The following RFX8 variants were observed in gnomAD, a reference collection of about 807,000 sequenced individuals.
RFX8 encodes the protein DNA-binding protein RFX8.
Under a neutral mutation model 54.6 loss-of-function variants are expected in RFX8, and 46 were observed. The observed-to-expected ratio is 0.84, with a 90% CI of 0.67 to 1.08. The LOEUF is 1.08. RFX8 is among the 50% of genes least tolerant of loss of function. RFX8 has a pLI of 0.00. For missense variants in RFX8, 536 were observed against 562.3 expected (o/e 0.95, Z 0.47); for synonymous variants, 192 against 209.5 (o/e 0.92, Z 0.72).
intron 2 of RFX8, among the ~76,000 whole-genome samples, chr2:101,430,363 T>C (rs13018312): frequency 0.42 from 63,936 of 152,044 alleles, 15,415 homozygotes; most frequent in Non-Finnish European, 0.52. Flanking sequence ...TAGCCCTCTA[T>C]GTGACAGTAT....
At chr2:101,440,584 G>C (rs1423596587) in intron 2 of RFX8, among the ~76,000 whole-genome samples, 1 of 152,164 alleles carries the variant, frequency 6.6e-6, no homozygotes, top group African/African-American at 2.4e-5. Flanking sequence ...TGGGGGAGGG[G>C]AGAGCACACA....
At chr2:101,426,396 G>C (rs553407165) in intron 2 of RFX8, among the ~76,000 whole-genome samples, 1 of 152,216 alleles carries the variant, frequency 6.6e-6, no homozygotes, top group African/African-American at 2.4e-5. Flanking sequence ...ACATACGCCT[G>C]TAGTCCTAAA....
chr2:101,429,042 G>C, intron 2 of RFX8: 3 of 1,484,650 alleles, frequency 2.0e-6, no homozygotes, highest in Non-Finnish European at 2.7e-6. Context: ...AGAAAACAGA[G>C]AAGTAATTTT....
At chr2:101,407,695 T>TA (rs979718832) in intron 9 of RFX8, among the ~76,000 whole-genome samples, 2,107 of 145,354 alleles carry the variant, frequency 0.014, 42 homozygotes, top group African/African-American at 0.046. Flanking sequence ...CCATCTCAAT[T>TA]AAAAAAAAAA....
chr2:101,472,717 T>G (rs1690078500), intron 1 of RFX8, among the ~76,000 whole-genome samples: 1 of 152,114 alleles, frequency 6.6e-6, no homozygotes. Flanking sequence ...TCTCATAATG[T>G]TTTAACAAAG....
At chr2:101,414,794 G>A in intron 7 of RFX8, 60 bp downstream of exon 7, 1 of 1,293,298 alleles carries the variant, frequency 7.7e-7, no homozygotes. Context: ...GGGACTTAGA[G>A]CTTTCACCTC....
intron 4 of RFX8, among the ~76,000 whole-genome samples, chr2:101,419,666 G>T (rs1289280986): frequency 6.6e-6 from 1 of 152,154 alleles, no homozygotes; most frequent in Non-Finnish European, 1.5e-5. Context: ...ATCTCCCCTG[G>T]TCCTGGTGCT....
intron 2 of RFX8, among the ~76,000 whole-genome samples, chr2:101,449,994 A>G (rs1024352822): frequency 1.3e-5 from 2 of 152,128 alleles, no homozygotes; most frequent in African/African-American, 4.8e-5. Context: ...AGACTCAGCG[A>G]AAAATGGCTT....
At chr2:101,468,170 C>T (rs931762242) in intron 1 of RFX8, among the ~76,000 whole-genome samples, 11 of 152,206 alleles carry the variant, frequency 7.2e-5, no homozygotes, top group African/African-American at 2.7e-4. Flanking sequence ...CCCTGCAATG[C>T]TTCCTTGGGG....
intron 2 of RFX8, among the ~76,000 whole-genome samples, chr2:101,462,903 G>A (rs886399831): frequency 5.3e-5 from 8 of 152,108 alleles, no homozygotes; most frequent in Admixed American, 1.3e-4. Flanking sequence ...GAAAATAACC[G>A]AAGAAGAGTT....
chr2:101,444,950 G>T (rs1350309254), intron 2 of RFX8, among the ~76,000 whole-genome samples: 2 of 152,218 alleles, frequency 1.3e-5, no homozygotes, highest in Admixed American at 6.5e-5. Context: ...CAGAGAGATT[G>T]AGTGACCTGC....
intron 9 of RFX8, among the ~76,000 whole-genome samples, chr2:101,407,964 T>A (rs993580511): frequency 6.6e-6 from 1 of 152,246 alleles, no homozygotes; most frequent in Non-Finnish European, 1.5e-5. Context: ...CTTAATAGTC[T>A]GAGCACTTGA....
chr2:101,474,280 C>T (rs1690182713), intron 1 of RFX8: 2 of 577,394 alleles, frequency 3.5e-6, no homozygotes, highest in East Asian at 3.5e-5. Context: ...GGCCATGGCT[C>T]GGCCCCGGGC....
rs1467918826 is a variant in RFX8 at position 101,461,241 on chromosome 2, C to T, written c.72+5536G>A. 8.7e-5 allele frequency among the ~76,000 whole-genome samples: 10 copies of T among 114,484 alleles called. No individual in the cohort carries two copies. The Admixed American group carries it at 9.4e-4, about 11-fold the overall frequency. The allele number at this position is 114,484 out of a possible 152,430, so 75.1% of individuals were successfully genotyped here. On this transcript the variant is annotated intron_variant, in intron 2 of 11. Coordinates refer to ENST00000428343, the MANE Select transcript of RFX8 (RefSeq NM_001145664.2). Reference sequence around the variant, plus strand: ...TCACGCCACTGCACCCCAGCCCGGGCGACAGAGTGAGACTCCATCTCAAAA... The same window carrying T: ...TCACGCCACTGCACCCCAGCCCGGGTGACAGAGTGAGACTCCATCTCAAAA...
chr2:101,406,006 T>G lies in RFX8; in HGVS notation c.865A>C (p.Arg289=), dbSNP rs1685709674. The stretch of plus-strand genomic sequence containing the variant: ...ACAGCAGTGAGAAGAAGATTCCATC[T>G]CAGCTGGAAGCTGGCGGCCAATTTG... The part of the protein sequence containing the change: ...FTKLAASFQL[R]WNLLLTAVSK... The change falls in exon 10 of 12, where the codon AGA becomes CGA. Residue 289 remains arginine (R), a synonymous_variant. Coordinates refer to ENST00000428343, the MANE Select transcript of RFX8 (RefSeq NM_001145664.2). 6.5e-7 allele frequency: 1 copy of G among 1,549,510 alleles called. No homozygotes were observed. Among genetic ancestry groups the G allele is most frequent in the Non-Finnish European group, 8.7e-7 (1 of 1,146,090 alleles).
intron 10 of RFX8, 149 bp downstream of exon 10, chr2:101,405,794 T>A (rs1685693443): frequency 4.3e-6 from 2 of 463,026 alleles, no homozygotes; most frequent in Non-Finnish European, 7.6e-6. Flanking sequence ...TACTATCGTG[T>A]TGTATGGTTT....
chr2:101,404,713 C>T (rs1685632608), intron 10 of RFX8, among the ~76,000 whole-genome samples: 1 of 152,118 alleles, frequency 6.6e-6, no homozygotes, highest in Admixed American at 6.5e-5. Flanking sequence ...AGGTGTGAGC[C>T]ACCACACCCG....
chr2:101,419,422 G>A (rs930678810), intron 4 of RFX8, among the ~76,000 whole-genome samples: 1 of 152,100 alleles, frequency 6.6e-6, no homozygotes, highest in African/African-American at 2.4e-5. Context: ...CCTAACGACT[G>A]TGGAAGGAAA....
chr2:101,437,642 G>C (rs6714459), intron 2 of RFX8, among the ~76,000 whole-genome samples: 1 of 151,808 alleles, frequency 6.6e-6, no homozygotes, highest in Non-Finnish European at 1.5e-5. Flanking sequence ...AAGGAAGGAA[G>C]GAAAGAAATA....
Sources: gnomAD v4.1 joint callset for allele counts (sites outside exome capture counted in the v4.1 genomes callset) on GRCh38, gnomAD v4.1.1 for gene constraint, MANE v1.5 for transcripts, NCBI Gene and HGNC (gene_info 2026-07-23, HGNC 2026-07-21) for gene names.